Variants in HOXD13 observed in about 807,000 individuals in gnomAD.
The protein encoded by HOXD13 is homeobox D13, also known as homeobox protein Hox-D13.
A neutral mutation model predicts 27.3 loss-of-function variants in HOXD13; 16 were observed. That is an observed-to-expected ratio of 0.59 (90% CI 0.40 to 0.89). The LOEUF (loss-of-function observed/expected upper bound fraction) is 0.89, where lower values mean the gene tolerates loss of function less well. Ranked by LOEUF, HOXD13 falls within the 40% of genes least tolerant of loss-of-function variation. The pLI, the probability that HOXD13 is intolerant of heterozygous loss-of-function variation, is 0.00. For missense variants in HOXD13, 481 were observed against 482.6 expected, an observed-to-expected ratio of 1.00 and a Z score of 0.03; for synonymous variants, 241 against 219.0, an observed-to-expected ratio of 1.10 and a Z score of -0.89.
rs1689357445 is a variant in HOXD13, at chr2:176,093,328, A to G, written c.438A>G (p.Leu146=). ...YSCRMSHGVG[L]QQNALKSSPH... The stretch of plus-strand genomic sequence containing the variant: ...GCCGTATGTCGCACGGCGTGGGCTT[A>G]CAGCAGAATGCGCTCAAGTCATCGC... The change falls in exon 1 of 2, where the codon TTA becomes TTG. Residue 146 remains leucine (L), a synonymous_variant. Transcript: ENST00000392539. The G allele has an allele frequency of 1.2e-6, 2 of 1,613,198 alleles. No homozygotes were observed. Among genetic ancestry groups the G allele is most frequent in the East Asian group, 2.2e-5 (1 of 44,878 alleles).
At chr2:176,089,144 G>T (rs557241904), upstream of HOXD13, among the ~76,000 whole-genome samples, 4 of 152,248 alleles carry the variant, frequency 2.6e-5, no homozygotes, top group Non-Finnish European at 5.9e-5. Context: ...GTACTCAAAT[G>T]TGGCTTCCAC....
chr2:176,094,584 G>A lies in HOXD13; in HGVS notation c.886G>A (p.Ala296Thr). 1.2e-6 allele frequency: 2 copies of A among 1,614,136 alleles called. No individual in the cohort carries two copies. The highest frequency in any genetic ancestry group is 8.5e-7 in the Non-Finnish European group (1 of 1,179,974). The change falls in exon 2 of 2, where the codon GCC (alanine) becomes ACC (threonine). Residue 296 changes from alanine to threonine, a missense_variant. By Grantham distance (58) the Ala-to-Thr change is moderately conservative (BLOSUM62 0). Transcript: ENST00000392539. ...GCTTAAAGAACTGGAGAACGAGTAT[G>A]CCATTAACAAATTCATTAACAAGGA... The part of the protein sequence containing the change: ...LQLKELENEY[A>T]INKFINKDKR...
In HOXD13 at chr2:176,092,877, G is replaced by A. The variant is rs1209491642; in HGVS notation, c.-14G>A. The A allele has an allele frequency of 3.2e-6, 4 of 1,242,670 alleles. No homozygotes were observed. Among genetic ancestry groups the A allele is most frequent in the Non-Finnish European group, 4.0e-6 (4 of 996,862 alleles). 77.0% of individuals were successfully genotyped at this position (1,242,670 alleles called of 1,614,324 possible). ...GGGGCCAGGGCCAGGGCCGGGGCCG[G>A]GCCAGGCCGGGCCATGAGCCGCGCC... is the stretch of plus-strand genomic sequence containing the variant. On this transcript the variant is annotated 5_prime_UTR_variant, in exon 1 of 2. Transcript: ENST00000392539.
rs1689381330 is a variant in HOXD13 at position 176,094,460 on chromosome 2, T to G, written c.782-20T>G. On this transcript the variant is annotated intron_variant, in intron 1 of 1. Coordinates refer to ENST00000392539, the MANE Select transcript of HOXD13 (RefSeq NM_000523.4). ...CCGAATATCCCAGCCTAATTTTTCTTGTGCTTTTGTTTGTATCAGGGGATG... is the reference window on the plus strand; with the variant it reads ...CCGAATATCCCAGCCTAATTTTTCTGGTGCTTTTGTTTGTATCAGGGGATG... 6.2e-7 allele frequency: 1 copy of G among 1,613,680 alleles called. No homozygotes were observed. The highest frequency in any genetic ancestry group is 8.5e-7 in the Non-Finnish European group (1 of 1,179,856).
In HOXD13 at chr2:176,094,549, C is replaced by G. The variant is rs1373526550; in HGVS notation, c.851C>G (p.Thr284Ser). Residue 284 changes from threonine to serine, a missense_variant, in exon 2 of 2, where the codon ACC (threonine) becomes AGC (serine). Coordinates refer to ENST00000392539, the MANE Select transcript of HOXD13 (RefSeq NM_000523.4). Reference protein sequence around the residue: ...RRGRKKRVPYTKLQLKELENE... With the variant: ...RRGRKKRVPYSKLQLKELENE... ...GGGAGGAAGAAGAGAGTGCCTTACA[C>G]CAAACTGCAGCTTAAAGAACTGGAG... is the stretch of plus-strand genomic sequence containing the variant. 2 of 1,613,998 alleles carry G rather than the reference C, an allele frequency of 1.2e-6. No homozygotes were observed. Among genetic ancestry groups the G allele is most frequent in the Non-Finnish European group, 1.7e-6 (2 of 1,179,878 alleles).
chr2:176,094,616 G>A lies in HOXD13; in HGVS notation c.918G>A (p.Arg306=). The A allele has an allele frequency of 6.2e-7, 1 of 1,614,138 alleles. No homozygotes were observed. The highest frequency in any genetic ancestry group is 8.5e-7 in the Non-Finnish European group (1 of 1,180,006). Reference sequence around the variant, plus strand: ...ACAAATTCATTAACAAGGACAAGCGGCGGCGTATCTCGGCTGCTACGAACC... The same window carrying A: ...ACAAATTCATTAACAAGGACAAGCGACGGCGTATCTCGGCTGCTACGAACC... ...AINKFINKDK[R]RRISAATNLS... The change falls in exon 2 of 2, where the codon CGG becomes CGA. Residue 306 remains arginine, a synonymous_variant. Coordinates refer to ENST00000392539, the MANE Select transcript of HOXD13 (RefSeq NM_000523.4).
At position 176,094,760 on chromosome 2, in the gene HOXD13, G is replaced by GA. The variant is rs1168454885; in HGVS notation, c.*32dup. On this transcript the variant is annotated 3_prime_UTR_variant, in exon 2 of 2. Coordinates refer to ENST00000392539, the MANE Select transcript of HOXD13 (RefSeq NM_000523.4). ...GTCCAGGTTGGCCACAGACAGCTTA[G>GA]AAGCCATTCGGTTGTCTCCAAAAGG... is the stretch of plus-strand genomic sequence containing the variant. 1 of 1,608,318 alleles carries GA rather than the reference G, an allele frequency of 6.2e-7. No homozygotes were observed. Among genetic ancestry groups the GA allele is most frequent in the Non-Finnish European group, 8.5e-7 (1 of 1,174,950 alleles).
At chr2:176,092,152 C>A (rs1187213115), upstream of HOXD13, among the ~76,000 whole-genome samples, 1 of 152,200 alleles carries the variant, frequency 6.6e-6, no homozygotes, top group African/African-American at 2.4e-5. Context: ...TGCCTCTTAC[C>A]TGTGTGAAAT....
chr2:176,088,506 G>A (rs1689275382), upstream of HOXD13, among the ~76,000 whole-genome samples: 2 of 152,312 alleles, frequency 1.3e-5, no homozygotes, highest in South Asian at 2.1e-4. Context: ...GGAACTGCGC[G>A]CCGCCGGGCC....
upstream of HOXD13, among the ~76,000 whole-genome samples, chr2:176,089,867 C>T (rs945683432): frequency 2.0e-5 from 3 of 152,282 alleles, no homozygotes; most frequent in East Asian, 1.9e-4. Context: ...TCCAAGGATT[C>T]TCACTTAACA....
In HOXD13 at chr2:176,094,385, G is replaced by GCACACACACA. The variant is rs10649769; in HGVS notation, c.782-72_782-63dup. ...AAAAATTTCCTGCACCCCTGCAAAC[G>GCACACACACA]CACACACACACACACACACACACAC... On this transcript the variant is annotated intron_variant, in intron 1 of 1. Transcript: ENST00000392539. 1.1e-3 allele frequency: 1,340 copies of GCACACACACA among 1,202,102 alleles called. 2 individuals carry two copies. Among genetic ancestry groups the GCACACACACA allele is most frequent in the African/African-American group, 6.0e-3 (374 of 62,746 alleles). 74.5% of individuals were successfully genotyped at this position (1,202,102 alleles called of 1,614,324 possible).
Position 176,092,845 on chromosome 2 carries a change from C to T in HOXD13, c.-46C>T. ...GAGGAGGCGCGCCGCGCCATGGTGT[C>T]CTGCGCGGGGCCAGGGCCAGGGCCG... is the stretch of plus-strand genomic sequence containing the variant. On this transcript the variant is annotated 5_prime_UTR_variant, in exon 1 of 2. Coordinates refer to ENST00000392539, the MANE Select transcript of HOXD13 (RefSeq NM_000523.4). 1.7e-6 allele frequency: 2 copies of T among 1,161,992 alleles called. No homozygotes were observed. Among genetic ancestry groups the T allele is most frequent in the Non-Finnish European group, 2.1e-6 (2 of 930,852 alleles). 72.0% of individuals were successfully genotyped at this position (1,161,992 alleles called of 1,614,324 possible). A position where few individuals can be genotyped will look rare whatever the true frequency, so the allele number is the denominator to read the frequency against.
At position 176,093,108 on chromosome 2, in the gene HOXD13, G is replaced by T. The variant is rs1377323943; in HGVS notation, c.218G>T (p.Gly73Val). ...GCGGCGGCGGCGGCGGCAGCCTCCG[G>T]CTTTGCGTACCCCGGGACCTCTGAG... ...AAAAAAAAAS[G>V]FAYPGTSERT... is the part of the protein sequence containing the mutation. Residue 73 changes from glycine to valine, a missense_variant, in exon 1 of 2, where the codon GGC becomes GTC. By Grantham distance (109) the Gly-to-Val change is moderately radical. Coordinates refer to ENST00000392539, the MANE Select transcript of HOXD13 (RefSeq NM_000523.4). 6.4e-7 allele frequency: 1 copy of T among 1,559,082 alleles called. No individual in the cohort carries two copies. Among genetic ancestry groups the T allele is most frequent in the Admixed American group, 1.9e-5 (1 of 53,080 alleles).
Position 176,092,727 on chromosome 2 carries a change from G to T in HOXD13, c.-164G>T, listed in dbSNP as rs1689339322. On this transcript the variant is annotated 5_prime_UTR_variant, in exon 1 of 2. In the 5' UTR this introduces an upstream ATG that the reference lacks. Transcript: ENST00000392539. ...TCCCGCGATGAGCTAACCTGTTGGA[G>T]GGCAGGCGGGCCGGAGGCGGGAGGC... Among the ~76,000 whole-genome samples, 1 of 152,134 alleles carries T rather than the reference G, an allele frequency of 6.6e-6. No individual in the cohort carries two copies. Among genetic ancestry groups the T allele is most frequent in the Admixed American group, 6.5e-5 (1 of 15,280 alleles).
rs917075646 is a variant in HOXD13, at chr2:176,093,639, A to C, written c.749A>C (p.Gln250Pro). Residue 250 changes from glutamine to proline, a missense_variant, in exon 1 of 2, where the codon CAG becomes CCG. Coordinates refer to ENST00000392539, the MANE Select transcript of HOXD13 (RefSeq NM_000523.4). ...GTGTACTGCACCAAGGACCAGCCAC[A>C]GGGGTCCCACTTTTGGAAATCTTCC... ...SQVYCTKDQPQGSHFWKSSFP... is the reference protein window; with the variant it reads ...SQVYCTKDQPPGSHFWKSSFP... 11 of 1,603,274 alleles carry C rather than the reference A, an allele frequency of 6.9e-6. No homozygotes were observed. The highest frequency in any genetic ancestry group is 9.4e-6 in the Non-Finnish European group (11 of 1,172,446).
Position 176,095,770 on chromosome 2 carries a change from G to A in HOXD13, c.*1040G>A, listed in dbSNP as rs1689402992. ...CAAGAAGAAAAATAATGATGTTTCT[G>A]AAAGTGATGATAAATAATTACTTTT... On this transcript the variant is annotated 3_prime_UTR_variant, in exon 2 of 2. Transcript: ENST00000392539. The A allele has an allele frequency of 9.1e-6, 2 of 219,428 alleles. No homozygotes were observed. The highest frequency in any genetic ancestry group is 6.7e-5 in the East Asian group (1 of 14,898). 13.6% of individuals were successfully genotyped at this position (219,428 alleles called of 1,614,324 possible). A position where few individuals can be genotyped will look rare whatever the true frequency, so the allele number is the denominator to read the frequency against.
chr2:176,094,507 T>C lies in HOXD13; in HGVS notation c.809T>C (p.Met270Thr), dbSNP rs781708716. The C allele has an allele frequency of 5.6e-6, 9 of 1,614,026 alleles. No individual in the cohort carries two copies. In the Admixed American group the frequency reaches 6.7e-5, roughly 12 times the overall value. ...PGDVALNQPD[M>T]CVYRRGRKKR... ...GATGTGGCTCTAAATCAGCCGGACA[T>C]GTGCGTCTACCGAAGAGGGAGGAAG... The change falls in exon 2 of 2, where the codon ATG (methionine) becomes ACG (threonine). Residue 270 changes from methionine to threonine, a missense_variant. Coordinates refer to ENST00000392539, the MANE Select transcript of HOXD13 (RefSeq NM_000523.4).
At chr2:176,088,240 A>G (rs1239221883), upstream of HOXD13, among the ~76,000 whole-genome samples, 1 of 152,238 alleles carries the variant, frequency 6.6e-6, no homozygotes, top group African/African-American at 2.4e-5. Context: ...TCGCTGCATA[A>G]GGGAAGACTC....
Position 176,094,531 on chromosome 2 carries a change from A to G in HOXD13, c.833A>G (p.Lys278Arg). Reference protein sequence around the residue: ...PDMCVYRRGRKKRVPYTKLQL... With the variant: ...PDMCVYRRGRRKRVPYTKLQL... ...ATGTGCGTCTACCGAAGAGGGAGGA[A>G]GAAGAGAGTGCCTTACACCAAACTG... Residue 278 changes from lysine (K) to arginine (R), a missense_variant, in exon 2 of 2, where the codon AAG becomes AGG. Lys to Arg is a conservative substitution (Grantham distance 26). Coordinates refer to ENST00000392539, the MANE Select transcript of HOXD13 (RefSeq NM_000523.4). 6.2e-7 allele frequency: 1 copy of G among 1,614,042 alleles called. No homozygotes were observed. Among genetic ancestry groups the G allele is most frequent in the Non-Finnish European group, 8.5e-7 (1 of 1,179,900 alleles).
Sources: gnomAD v4.1 joint callset for allele counts (sites outside exome capture counted in the v4.1 genomes callset) on GRCh38, gnomAD v4.1.1 for gene constraint, MANE v1.5 for transcripts, NCBI Gene and HGNC (gene_info 2026-07-23, HGNC 2026-07-21) for gene names.